Variants in CLEC16A observed in about 807,000 individuals in gnomAD.
The protein encoded by CLEC16A is protein CLEC16A.
CLEC16A carries 51 observed loss-of-function variants against 109.5 expected under a neutral mutation model. The observed-to-expected ratio is 0.47, with a 90% CI of 0.37 to 0.59. CLEC16A has a LOEUF of 0.59. Ranked by LOEUF, CLEC16A falls within the 20% of genes least tolerant of loss-of-function variation. The pLI is 0.00. For missense variants in CLEC16A, 1,339 were observed against 1,394.0 expected, an observed-to-expected ratio of 0.96 and a Z score of 0.63; for synonymous variants, 673 against 564.2, an observed-to-expected ratio of 1.19 and a Z score of -2.73.
intron 19 of CLEC16A, among the ~76,000 whole-genome samples, chr16:11,080,263 A>G (rs1326059611): frequency 6.6e-6 from 1 of 152,232 alleles, no homozygotes; most frequent in Non-Finnish European, 1.5e-5. Context: ...GATGCACTTC[A>G]GCAGGTGGGT....
rs933060729 is a variant in CLEC16A, at chr16:11,123,668, C to G, written c.2269-74C>G. 9.1e-6 allele frequency: 13 copies of G among 1,426,582 alleles called. No individual in the cohort carries two copies. In the Middle Eastern group the frequency reaches 5.3e-4, roughly 58 times the overall value. 88.4% of individuals were successfully genotyped at this position (1,426,582 alleles called of 1,614,324 possible). On this transcript the variant is annotated intron_variant, in intron 20 of 23. Coordinates refer to ENST00000409790, the MANE Select transcript of CLEC16A (RefSeq NM_015226.3). ...TTTGGAGACCTCTTTCTAGATGCCTCATGATGCCACAGCTCCTAGCCACCC... is the reference window on the plus strand; with the variant it reads ...TTTGGAGACCTCTTTCTAGATGCCTGATGATGCCACAGCTCCTAGCCACCC...
chr16:11,044,867 G>A (rs1314284015), intron 16 of CLEC16A, among the ~76,000 whole-genome samples: 2 of 150,072 alleles, frequency 1.3e-5, no homozygotes, highest in African/African-American at 4.9e-5. Flanking sequence ...CAGAGATTGC[G>A]GCGAGCCAAG....
chr16:10,999,976 A>G (rs1403962858), intron 10 of CLEC16A, among the ~76,000 whole-genome samples: 1 of 152,166 alleles, frequency 6.6e-6, no homozygotes, highest in Non-Finnish European at 1.5e-5. Context: ...AGTTGGGACT[A>G]CAAGCGCCCG....
chr16:11,059,275 T>A (rs1399778448), intron 18 of CLEC16A, among the ~76,000 whole-genome samples: 1 of 152,278 alleles, frequency 6.6e-6, no homozygotes, highest in Non-Finnish European at 1.5e-5. Context: ...GATGTCTTTA[T>A]GAAGACTGTA....
At chr16:11,139,373 A>G (rs758631673) in intron 22 of CLEC16A, among the ~76,000 whole-genome samples, 4 of 152,232 alleles carry the variant, frequency 2.6e-5, no homozygotes, top group Non-Finnish European at 5.9e-5. Context: ...TGACTAAAAT[A>G]CAGTTTTCTT....
At chr16:11,076,959 A>G (rs982100682) in intron 19 of CLEC16A, among the ~76,000 whole-genome samples, 1 of 152,248 alleles carries the variant, frequency 6.6e-6, no homozygotes, top group African/African-American at 2.4e-5. Context: ...AACGCTGAAA[A>G]GTATTGTGAC....
intron 11 of CLEC16A, among the ~76,000 whole-genome samples, chr16:11,007,642 G>A (rs1057473458): frequency 6.6e-6 from 1 of 152,208 alleles, no homozygotes; most frequent in Non-Finnish European, 1.5e-5. Flanking sequence ...TGGCCAAGGT[G>A]GAGGGCAGAG....
intron 21 of CLEC16A, among the ~76,000 whole-genome samples, chr16:11,125,299 G>GT (rs971839333): frequency 3.4e-3 from 494 of 146,722 alleles, no homozygotes; most frequent in African/African-American, 5.9e-3. Flanking sequence ...TTTTCAGAGA[G>GT]TTTTTTTTTT....
chr16:11,163,229 C>G (rs1328038321), intron 22 of CLEC16A, among the ~76,000 whole-genome samples: 2 of 152,186 alleles, frequency 1.3e-5, no homozygotes, highest in African/African-American at 4.8e-5. Flanking sequence ...CCTCCTGATT[C>G]TCTGATGTGT....
At chr16:11,097,161 G>A (rs551581422) in intron 19 of CLEC16A, among the ~76,000 whole-genome samples, 1 of 152,140 alleles carries the variant, frequency 6.6e-6, no homozygotes, top group Admixed American at 6.6e-5. Flanking sequence ...TAAAATTCTA[G>A]AACAGGTTAA....
chr16:11,069,819 AC>A (rs1377578278), intron 19 of CLEC16A, among the ~76,000 whole-genome samples: 1 of 130,864 alleles, frequency 7.6e-6, no homozygotes, highest in Non-Finnish European at 1.8e-5. Flanking sequence ...GTACAGCATA[AC>A]AACTATTTAC....
Position 11,123,802 on chromosome 16 carries a change from C to G in CLEC16A, c.2329C>G (p.Pro777Ala), listed in dbSNP as rs202170844. ...TGCCCTGAACATCACCATCCACAAGCCTGCGTCCAGCCCCCATTCCAAGCC... is the reference window on the plus strand; with the variant it reads ...TGCCCTGAACATCACCATCCACAAGGCTGCGTCCAGCCCCCATTCCAAGCC... Reference protein sequence around the residue: ...SRALNITIHKPASSPHSKPFP... With the variant: ...SRALNITIHKAASSPHSKPFP... The change falls in exon 21 of 24, where the codon CCT becomes GCT. Residue 777 changes from proline to alanine, a missense_variant. Pro to Ala is a conservative substitution (Grantham distance 27, BLOSUM62 -1). This residue lies in a region of CLEC16A where 1,061 missense variants were observed against 1,006.8 expected (regional missense o/e 1.05). Coordinates refer to ENST00000409790, the MANE Select transcript of CLEC16A (RefSeq NM_015226.3). 1.4e-5 allele frequency: 22 copies of G among 1,613,968 alleles called. No individual in the cohort carries two copies. Among genetic ancestry groups the G allele is most frequent in the Non-Finnish European group, 8.5e-7 (1 of 1,179,922 alleles).
chr16:11,177,845 G>C, intron 23 of CLEC16A, among the ~76,000 whole-genome samples: 1 of 151,244 alleles, frequency 6.6e-6, no homozygotes, highest in East Asian at 1.9e-4. Flanking sequence ...AAGTTCTACA[G>C]AATTTCCTTT....
At chr16:11,130,954 A>G (rs2053166134) in intron 22 of CLEC16A, among the ~76,000 whole-genome samples, 1 of 152,182 alleles carries the variant, frequency 6.6e-6, no homozygotes, top group Non-Finnish European at 1.5e-5. Flanking sequence ...TGGATGAGAT[A>G]TTAAAGTAGT....
At chr16:11,092,025 A>G (rs1285521710) in intron 19 of CLEC16A, among the ~76,000 whole-genome samples, 1 of 152,096 alleles carries the variant, frequency 6.6e-6, no homozygotes, top group African/African-American at 2.4e-5. Flanking sequence ...GAAGCCCTCC[A>G]TTATCGACAG....
chr16:11,070,321 C>T (rs1004320998), intron 19 of CLEC16A, among the ~76,000 whole-genome samples: 2 of 151,884 alleles, frequency 1.3e-5, no homozygotes, highest in African/African-American at 2.4e-5. Context: ...CCGCCCGCCT[C>T]GGCCTCCCAA....
intron 22 of CLEC16A, among the ~76,000 whole-genome samples, chr16:11,139,116 C>T (rs563768549): frequency 4.6e-5 from 7 of 152,198 alleles, no homozygotes; most frequent in Non-Finnish European, 8.8e-5. Context: ...TCTGACCCAA[C>T]AGTCCTTGTG....
At chr16:11,111,784 A>T (rs994179916) in intron 19 of CLEC16A, among the ~76,000 whole-genome samples, 2 of 152,160 alleles carry the variant, frequency 1.3e-5, no homozygotes, top group African/African-American at 4.8e-5. Flanking sequence ...TCCTCTAATC[A>T]GTTTTCATGT....
chr16:11,085,181 C>T (rs553676021), intron 19 of CLEC16A, among the ~76,000 whole-genome samples: 11 of 152,378 alleles, frequency 7.2e-5, no homozygotes, highest in Non-Finnish European at 1.0e-4. Context: ...ACAGACGAGG[C>T]CATGAAGCCC....
Sources: gnomAD v4.1 joint callset for allele counts (sites outside exome capture counted in the v4.1 genomes callset) on GRCh38, gnomAD v4.1.1 for gene constraint, gnomAD v4.1.1 regional missense constraint, MANE v1.5 for transcripts, NCBI Gene and HGNC (gene_info 2026-07-23, HGNC 2026-07-21) for gene names.